The following CORO1C variants were observed in gnomAD, a reference collection of about 807,000 sequenced individuals.
The protein encoded by CORO1C is coronin-1C.
CORO1C carries 14 observed loss-of-function variants against 51.2 expected under a neutral mutation model. The ratio of observed to expected loss-of-function variants is 0.27; its 90% confidence interval spans 0.18 to 0.43. The LOEUF (loss-of-function observed/expected upper bound fraction) is 0.43. CORO1C is among the 20% of genes least tolerant of loss of function. The pLI, the probability that CORO1C is intolerant of heterozygous loss-of-function variation, is 1.00. For synonymous variants in CORO1C, 181 were observed against 210.5 expected (o/e 0.86, Z 1.21); for missense variants, 417 against 607.8 (o/e 0.69, Z 3.30).
At chr12:108,711,366 T>C (rs1446253302) in intron 1 of CORO1C, among the ~76,000 whole-genome samples, 1 of 151,784 alleles carries the variant, frequency 6.6e-6, no homozygotes, top group Non-Finnish European at 1.5e-5. Context: ...CAAGACCATG[T>C]CTCAAAACAC....
At chr12:108,655,524 C>T (rs967170855) in intron 6 of CORO1C, among the ~76,000 whole-genome samples, 2 of 152,172 alleles carry the variant, frequency 1.3e-5, no homozygotes, top group Non-Finnish European at 2.9e-5. Flanking sequence ...CGATTGCAAG[C>T]GCGCACCGCC....
intron 3 of CORO1C, among the ~76,000 whole-genome samples, chr12:108,663,465 C>T (rs555508592): frequency 3.6e-4 from 55 of 152,192 alleles, no homozygotes; most frequent in Middle Eastern, 6.8e-3. Flanking sequence ...GAACAAAATG[C>T]GACATATTCA....
At chr12:108,711,792 T>C (rs2136876990) in intron 1 of CORO1C, among the ~76,000 whole-genome samples, 1 of 151,750 alleles carries the variant, frequency 6.6e-6, no homozygotes, top group South Asian at 2.1e-4. Flanking sequence ...CCAAATAAAA[T>C]ACACTCAAAA....
intron 3 of CORO1C, among the ~76,000 whole-genome samples, 162 bp downstream of exon 3, chr12:108,678,104 ATTAAAC>A (rs1041127425): frequency 6.6e-6 from 1 of 152,186 alleles, no homozygotes; most frequent in African/African-American, 2.4e-5. Flanking sequence ...ATTATCTGTA[ATTAAAC>A]TTAAACGTAG....
chr12:108,672,154 C>T (rs1415989802), intron 3 of CORO1C, among the ~76,000 whole-genome samples: 1 of 152,152 alleles, frequency 6.6e-6, no homozygotes, highest in Admixed American at 6.5e-5. Context: ...ATATTGTTCC[C>T]ACTCCTTCTT....
chr12:108,704,963 T>C (rs765571408), intron 1 of CORO1C, among the ~76,000 whole-genome samples: 3 of 152,222 alleles, frequency 2.0e-5, no homozygotes, highest in Admixed American at 6.5e-5. Flanking sequence ...AAATGATCAA[T>C]TGGTGATGGG....
chr12:108,697,136 G>A (rs533932048), intron 2 of CORO1C, among the ~76,000 whole-genome samples: 8 of 152,256 alleles, frequency 5.3e-5, no homozygotes, highest in African/African-American at 1.9e-4. Context: ...GTTGCAATAA[G>A]AAGCCTTATT....
intron 6 of CORO1C, among the ~76,000 whole-genome samples, chr12:108,655,069 T>A (rs1176601545): frequency 7.4e-6 from 1 of 134,970 alleles, no homozygotes; most frequent in Non-Finnish European, 1.6e-5. Flanking sequence ...AGTTGAAAGA[T>A]ATAAAAAAGA....
intron 1 of CORO1C, among the ~76,000 whole-genome samples, chr12:108,706,727 C>T (rs4964736): frequency 0.29 from 44,009 of 151,730 alleles, 7,470 homozygotes; most frequent in South Asian, 0.44. Flanking sequence ...CCCGAGTAGC[C>T]GGGACTACAC....
intron 2 of CORO1C, among the ~76,000 whole-genome samples, chr12:108,700,290 A>C (rs1438615834): frequency 1.3e-5 from 2 of 152,130 alleles, no homozygotes; most frequent in Non-Finnish European, 1.5e-5. Context: ...CTAAAAGCTA[A>C]CTAGAAAACA....
chr12:108,681,169 A>C (rs1330915575), intron 2 of CORO1C, among the ~76,000 whole-genome samples: 1 of 152,222 alleles, frequency 6.6e-6, no homozygotes, highest in Non-Finnish European at 1.5e-5. Flanking sequence ...CGTGGCTTGA[A>C]TGTGTGATAT....
intron 7 of CORO1C, chr12:108,652,902 G>A (rs139703627): frequency 0.012 from 1,084 of 93,498 alleles, 8 homozygotes; most frequent in Non-Finnish European, 0.016. Context: ...CAGTTTTAGT[G>A]AGTATCCTCA....
Position 108,652,229 on chromosome 12 carries a change from C to T in CORO1C, c.1001+43G>A, listed in dbSNP as rs751917415. On this transcript the variant is annotated intron_variant, in intron 8 of 10. Coordinates refer to ENST00000261401, the MANE Select transcript of CORO1C (RefSeq NM_014325.4). ...AGTCCAAGTACAAATAATTGTCACA[C>T]AGTTACACCAACCTAGAATACTTGA... The T allele has an allele frequency of 1.0e-5, 16 of 1,589,320 alleles. No individual in the cohort carries two copies. The South Asian group carries it at 1.3e-4, about 13-fold the overall frequency.
intron 3 of CORO1C, among the ~76,000 whole-genome samples, chr12:108,666,352 TAAG>T (rs1422339337): frequency 1.3e-5 from 2 of 151,990 alleles, no homozygotes; most frequent in African/African-American, 2.4e-5. Flanking sequence ...TGAAATGAAA[TAAG>T]AAGACAACAG....
At chr12:108,669,269 C>T (rs1250137656) in intron 3 of CORO1C, among the ~76,000 whole-genome samples, 1 of 152,108 alleles carries the variant, frequency 6.6e-6, no homozygotes, top group Admixed American at 6.6e-5. Flanking sequence ...ATACAAAAAG[C>T]AGTTTTTAAA....
At chr12:108,649,390 T>C (rs1309572637) in intron 8 of CORO1C, 3 of 286,362 alleles carry the variant, frequency 1.0e-5, no homozygotes, top group Non-Finnish European at 2.0e-5. Flanking sequence ...AGAACACACA[T>C]CTGTTAGATT....
chr12:108,654,244 C>A, intron 7 of CORO1C, 62 bp downstream of exon 7: 1 of 1,079,128 alleles, frequency 9.3e-7, no homozygotes, highest in Non-Finnish European at 1.4e-6. Flanking sequence ...TCCTCTAAAT[C>A]TCTGAAGGAT....
chr12:108,656,831 G>A (rs1370707731), intron 6 of CORO1C, among the ~76,000 whole-genome samples: 2 of 152,142 alleles, frequency 1.3e-5, no homozygotes, highest in Non-Finnish European at 2.9e-5. Flanking sequence ...GTGCTTTGTT[G>A]AACAGATGCT....
chr12:108,719,249 C>CCAGG (rs548663559), intron 1 of CORO1C, among the ~76,000 whole-genome samples: 3 of 152,278 alleles, frequency 2.0e-5, no homozygotes, highest in South Asian at 4.2e-4. Context: ...GCAAAAAGAT[C>CCAGG]CAGGGGCTTC....
Sources: gnomAD v4.1 joint callset for allele counts (sites outside exome capture counted in the v4.1 genomes callset) on GRCh38, gnomAD v4.1.1 for gene constraint, MANE v1.5 for transcripts, NCBI Gene and HGNC (gene_info 2026-07-23, HGNC 2026-07-21) for gene names.